The following CDHR4 variants were observed in gnomAD, a reference collection of about 807,000 sequenced individuals.
CDHR4 encodes the protein cadherin related family member 4.
In CDHR4, 89 loss-of-function variants were observed where a neutral mutation model predicts 88.4. That is an observed-to-expected ratio of 1.01 (90% confidence interval 0.85 to 1.20). The LOEUF is 1.20. Ranked by LOEUF, CDHR4 falls within the 50% of genes most tolerant of loss-of-function variation. CDHR4 has a pLI of 0.00. For synonymous variants in CDHR4, 368 were observed against 399.2 expected, an observed-to-expected ratio of 0.92 and a Z score of 0.93; for missense variants, 914 against 1,007.2, an observed-to-expected ratio of 0.91 and a Z score of 1.25.
chr3:49,798,587 CAAAA>C (rs1204316024), intron 4 of CDHR4: 1,775 of 399,442 alleles, frequency 4.4e-3, no homozygotes, highest in South Asian at 7.1e-3. Context: ...GACTCCGTCT[CAAAA>C]AAAAAAAAAA....
rs185204365 is a variant in CDHR4, at chr3:49,792,823, A to G, written c.1995+31T>C. 5.0e-4 allele frequency: 756 copies of G among 1,506,516 alleles called. 2 individuals carry two copies. The African/African-American group carries it at 9.7e-3, about 19-fold the overall frequency. The allele number at this position is 1,506,516 out of a possible 1,614,324, so 93.3% of individuals were successfully genotyped here. A position where few individuals can be genotyped will look rare whatever the true frequency, so the allele number is the denominator to read the frequency against. ...TCACTCTCCAAGGTCCACCCTTCCC[A>G]CCCTGCTGAGGGCCCAAGGAGCCTC... On this transcript the variant is annotated intron_variant, in intron 14 of 18. Coordinates refer to ENST00000412678, the MANE Select transcript of CDHR4 (RefSeq NM_001007540.4).
intron 15 of CDHR4, among the ~76,000 whole-genome samples, chr3:49,792,170 G>A (rs963587122): frequency 1.3e-5 from 2 of 152,166 alleles, no homozygotes; most frequent in Non-Finnish European, 2.9e-5. Context: ...GTGGAGGGCA[G>A]AAGTCAGGAA....
chr3:49,800,242 C>T (rs1189187399), upstream of CDHR4, among the ~76,000 whole-genome samples: 2 of 152,112 alleles, frequency 1.3e-5, no homozygotes, highest in African/African-American at 4.8e-5. Flanking sequence ...TCTCTCAAAA[C>T]TTGCTGGGTG....
upstream of CDHR4, chr3:49,799,932 C>A: frequency 2.1e-6 from 2 of 960,800 alleles, no homozygotes; most frequent in East Asian, 2.6e-5. Flanking sequence ...CCTGGGCCTC[C>A]CAGATTCTAT....
Position 49,795,334 on chromosome 3 carries a change from G to T in CDHR4, c.893C>A (p.Thr298Asn). Residue 298 changes from threonine (T) to asparagine (N), a missense_variant, in exon 8 of 19, where the codon ACC (threonine) becomes AAC (asparagine). Coordinates refer to ENST00000412678, the MANE Select transcript of CDHR4 (RefSeq NM_001007540.4). The surrounding 1 kb of genome is among the most constrained non-coding windows in gnomAD (Gnocchi z 5.4). ...RTTTPLELAR[T>N]SGTAVSRLQV... ...CAGCCTGGAGACCGCGGTGCCTGAG[G>T]TGCGAGCTAACTCTAGGGGCGTGGT... 1 of 1,551,516 alleles carries T rather than the reference G, an allele frequency of 6.4e-7. No homozygotes were observed. The highest frequency in any genetic ancestry group is 8.7e-7 in the Non-Finnish European group (1 of 1,146,970).
In CDHR4 at chr3:49,797,009, G is replaced by A. The variant is rs1350683855; in HGVS notation, c.519C>T (p.Asp173=). ...GAQMSIISAQ[D]LPHFPGPFSI... ...AGAAAGGTCCAGGGAAGTGTGGCAG[G>A]TCCTGGGCACTGATAATGCTCATCT... Residue 173 remains aspartate, a synonymous_variant, in exon 5 of 19, where the codon GAC becomes GAT. Transcript: ENST00000412678. 1.9e-6 allele frequency: 3 copies of A among 1,551,542 alleles called. No homozygotes were observed. The highest frequency in any genetic ancestry group is 2.7e-5 in the African/African-American group (2 of 73,042).
In CDHR4 at chr3:49,799,255, C is replaced by T. The variant is rs1318165111; in HGVS notation, c.232G>A (p.Val78Met). ...TGTACACATGACCCTACCTTGCCCA[C>T]ATAGGTCCCTTGCCACCTGGCCAAG... ...PSLARWQGTY[V>M]GKLTLSSSAQ... is the part of the protein sequence containing the mutation. The change falls in exon 2 of 19, where the codon GTG becomes ATG. Residue 78 changes from valine (V) to methionine (M), a missense_variant. Transcript: ENST00000412678. 6.2e-7 allele frequency: 1 copy of T among 1,613,672 alleles called. No individual in the cohort carries two copies. Among genetic ancestry groups the T allele is most frequent in the Non-Finnish European group, 8.5e-7 (1 of 1,179,672 alleles).
intron 14 of CDHR4, 66 bp from the exon 15 acceptor site, chr3:49,792,676 C>G: frequency 1.3e-6 from 2 of 1,538,596 alleles, no homozygotes; most frequent in Non-Finnish European, 1.8e-6. Context: ...GCCTTCCAAC[C>G]CTTCCCCGGG....
chr3:49,798,612 A>T, intron 4 of CDHR4: 1 of 523,074 alleles, frequency 1.9e-6, no homozygotes, highest in Non-Finnish European at 3.3e-6. Flanking sequence ...AAAAGAACTC[A>T]GCCCCTGAGA....
upstream of CDHR4, among the ~76,000 whole-genome samples, chr3:49,801,749 T>C (rs1163153987): frequency 1.3e-5 from 2 of 152,218 alleles, no homozygotes; most frequent in African/African-American, 4.8e-5. Flanking sequence ...TTGATTTTAG[T>C]TCCAAAACAT....
In CDHR4 at chr3:49,793,396, C is replaced by CGTAG. The variant is rs113429839; in HGVS notation, c.1624-89_1624-86dup. Reference sequence around the variant, plus strand: ...CCCCTCAACTTCTTCTCACCACAGCCGTAGCCTAGGCATCAAGTGATGAAG... The same window carrying CGTAG: ...CCCCTCAACTTCTTCTCACCACAGCCGTAGGTAGCCTAGGCATCAAGTGATGAAG... On this transcript the variant is annotated intron_variant, in intron 12 of 18. Transcript: ENST00000412678. The CGTAG allele has an allele frequency of 5.4e-6, 8 of 1,491,118 alleles. No individual in the cohort carries two copies. The African/African-American group carries it at 7.0e-5, about 13-fold the overall frequency. The allele number at this position is 1,491,118 out of a possible 1,614,324, so 92.4% of individuals were successfully genotyped here.
At chr3:49,802,890 G>C (rs906658036), upstream of CDHR4, among the ~76,000 whole-genome samples, 2 of 152,268 alleles carry the variant, frequency 1.3e-5, no homozygotes, top group Non-Finnish European at 2.9e-5. Context: ...AATGGGTCCC[G>C]TGGGTCAGGC....
At position 49,797,179 on chromosome 3, in the gene CDHR4, C is replaced by T. The variant is rs1319548490; in HGVS notation, c.496-147G>A. The T allele has an allele frequency of 5.2e-6, 3 of 578,596 alleles. No individual in the cohort carries two copies. The East Asian group carries it at 8.7e-5, about 17-fold the overall frequency. The allele number at this position is 578,596 out of a possible 1,614,324, so 35.8% of individuals were successfully genotyped here. A position where few individuals can be genotyped will look rare whatever the true frequency, so the allele number is the denominator to read the frequency against. On this transcript the variant is annotated intron_variant, in intron 4 of 18. Coordinates refer to ENST00000412678, the MANE Select transcript of CDHR4 (RefSeq NM_001007540.4). ...CCTTCCTTCCTTCTTTCCTTTCTTTCCTTCTCTCTCCTTCCTTCCTTTCTT... is the reference window on the plus strand; with the variant it reads ...CCTTCCTTCCTTCTTTCCTTTCTTTTCTTCTCTCTCCTTCCTTCCTTTCTT...
chr3:49,801,399 T>G (rs1395068873), upstream of CDHR4, among the ~76,000 whole-genome samples: 5 of 152,206 alleles, frequency 3.3e-5, no homozygotes, highest in African/African-American at 7.2e-5. Flanking sequence ...CTGACTACAC[T>G]GATTTCCTCC....
rs1163718927 is a variant in CDHR4, at chr3:49,792,883, T to C, written c.1966A>G (p.Thr656Ala). Reference protein sequence around the residue: ...IVHLVPRRASTVATSTHRTTV... With the variant: ...IVHLVPRRASAVATSTHRTTV... ...GTTCTGTGGGTGCTGGTGGCCACTG[T>C]GCTGGCCCTCCGGGGAACTAGATGC... Residue 656 changes from threonine (T) to alanine (A), a missense_variant, in exon 14 of 19, where the codon ACA becomes GCA. Thr to Ala is a moderately conservative substitution (Grantham distance 58, BLOSUM62 0). Transcript: ENST00000412678. 1.3e-6 allele frequency: 2 copies of C among 1,547,914 alleles called. No individual in the cohort carries two copies. The highest frequency in any genetic ancestry group is 1.7e-6 in the Non-Finnish European group (2 of 1,144,288).
chr3:49,798,461 G>T (rs1337571015), intron 4 of CDHR4: 2 of 270,536 alleles, frequency 7.4e-6, no homozygotes, highest in African/African-American at 4.4e-5. Flanking sequence ...GGTGGCGGGT[G>T]CCTGTAGTCC....
intron 18 of CDHR4, 106 bp downstream of exon 18, chr3:49,791,335 G>T (rs1310501687): frequency 8.0e-7 from 1 of 1,256,842 alleles, no homozygotes. Context: ...TAGATGGTGG[G>T]TTCCTGGGAG....
intron 1 of CDHR4, 115 bp downstream of exon 1, chr3:49,799,649 C>T: frequency 8.2e-7 from 1 of 1,215,502 alleles, no homozygotes; most frequent in Non-Finnish European, 1.2e-6. Flanking sequence ...GCCAGGGGTT[C>T]AGATTCTTAC....
intron 4 of CDHR4, 70 bp from the exon 5 acceptor site, chr3:49,797,102 G>A (rs2081283181): frequency 7.8e-7 from 1 of 1,279,700 alleles, no homozygotes; most frequent in Non-Finnish European, 1.1e-6. Flanking sequence ...CGACAACCCA[G>A]CAGCAACCCT....
Sources: allele counts gnomAD v4.1 joint callset (sites outside exome capture counted in the v4.1 genomes callset), GRCh38; gene constraint gnomAD v4.1.1; non-coding constraint Gnocchi (gnomAD v3.1); transcripts MANE v1.5; gene names NCBI Gene and HGNC (gene_info 2026-07-23, HGNC 2026-07-21).